RHCE: variants seen among roughly 807,000 people sequenced by gnomAD.
RHCE encodes blood group Rh(CE) polypeptide.
In RHCE, 22 loss-of-function variants were observed where a neutral mutation model predicts 43.8. The ratio of observed to expected loss-of-function variants is 0.50; its 90% CI spans 0.36 to 0.72. RHCE has a LOEUF of 0.72. Ranked by LOEUF, RHCE falls within the 30% of genes least tolerant of loss-of-function variation. RHCE has a pLI of 0.00. For missense variants in RHCE, 385 were observed against 525.4 expected (o/e 0.73, Z 2.61); for synonymous variants, 156 against 210.7 (o/e 0.74, Z 2.25).
chr1:25,400,417 G>A (rs538208744), intron 3 of RHCE, among the ~76,000 whole-genome samples: 22 of 151,376 alleles, frequency 1.5e-4, no homozygotes, highest in Non-Finnish European at 2.8e-4. Context: ...AGGACCTCAC[G>A]CTCTCCTGGG....
Position 25,369,989 on chromosome 1 carries a change from T to G in RHCE, c.1227+478A>C, listed in dbSNP as rs999236143. Among the ~76,000 whole-genome samples the G allele has an allele frequency of 2.0e-5, 3 of 151,550 alleles. 1 individual carries two copies. The highest frequency in any genetic ancestry group is 4.4e-5 in the Non-Finnish European group (3 of 68,016). ...CCTGGCCTCAGGTGATCGCCCCACC[T>G]CAGCCTCCCAAAGTGCTGGGATTAC... On this transcript the variant is annotated intron_variant, in intron 9 of 9. Transcript: ENST00000294413.
chr1:25,410,957 T>A lies in RHCE; in HGVS notation c.149-2088A>T, dbSNP rs557862502. Among the ~76,000 whole-genome samples, 3 of 152,056 alleles carry A rather than the reference T, an allele frequency of 2.0e-5. No homozygotes were observed. In the South Asian group the frequency reaches 6.2e-4, roughly 32 times the overall value. On this transcript the variant is annotated intron_variant, in intron 1 of 9. Transcript: ENST00000294413. Reference sequence around the variant, plus strand: ...TTACAAAAAAATTAGCTGGATGTGGTGGCGGGCACCTGTAATCCCAGCTAC... The same window carrying A: ...TTACAAAAAAATTAGCTGGATGTGGAGGCGGGCACCTGTAATCCCAGCTAC...
At chr1:25,387,876 A>C (rs1306750517) in intron 6 of RHCE, among the ~76,000 whole-genome samples, 3 of 151,754 alleles carry the variant, frequency 2.0e-5, no homozygotes, top group Non-Finnish European at 2.9e-5. Flanking sequence ...GCTGGAGTGC[A>C]GTGGCGCAAT....
Position 25,375,815 on chromosome 1 carries a change from T to A in RHCE, c.1074-387A>T, listed in dbSNP as rs1364534917. ...TCTTTTTTTTTTTTTTTTTTCTGTT[T>A]TTGTTTGTGAGATGGAGTCTCACTC... On this transcript the variant is annotated intron_variant, in intron 7 of 9. Transcript: ENST00000294413. Among the ~76,000 whole-genome samples the A allele has an allele frequency of 9.2e-3, 1,275 of 138,678 alleles. 51 individuals carry two copies. Among genetic ancestry groups the A allele is most frequent in the African/African-American group, 0.034 (1,183 of 34,346 alleles). The allele number at this position is 138,678 out of a possible 152,430, so 91.0% of individuals were successfully genotyped here.
intron 9 of RHCE, among the ~76,000 whole-genome samples, chr1:25,368,606 G>A (rs1172028273): frequency 6.7e-6 from 1 of 150,112 alleles, no homozygotes; most frequent in Non-Finnish European, 1.5e-5. Flanking sequence ...TCTAAACCAA[G>A]GTATAAAAGA....
At chr1:25,392,499 G>A (rs1362992218) in intron 3 of RHCE, among the ~76,000 whole-genome samples, 2 of 151,346 alleles carry the variant, frequency 1.3e-5, no homozygotes, top group Non-Finnish European at 2.9e-5. Context: ...GACCTCAGGC[G>A]ATCCACCCGC....
chr1:25,370,518 T>C lies in RHCE; in HGVS notation c.1176A>G (p.Ile392Met). The C allele has an allele frequency of 3.1e-6, 5 of 1,612,580 alleles. No homozygotes were observed. The highest frequency in any genetic ancestry group is 4.2e-6 in the Non-Finnish European group (5 of 1,179,274). ...LLTGLLLNLKIWKAPHVAKYF... is the reference protein window; with the variant it reads ...LLTGLLLNLKMWKAPHVAKYF... ...ATTTAGCCACATGAGGTGCTTTCCA[T>C]ATTTTGAGATTTAGGAGCAAACCTG... The change falls in exon 9 of 10, where the codon ATA becomes ATG. Residue 392 changes from isoleucine to methionine, a missense_variant. Physicochemically the swap from Ile to Met is conservative, Grantham distance 10 (BLOSUM62 1). This residue lies in a region of RHCE where 26 missense variants were observed against 37.1 expected (regional missense o/e 0.70). Coordinates refer to ENST00000294413, the MANE Select transcript of RHCE (RefSeq NM_020485.8).
At chr1:25,394,408 C>T (rs923985832) in intron 3 of RHCE, among the ~76,000 whole-genome samples, 23 of 152,054 alleles carry the variant, frequency 1.5e-4, no homozygotes, top group African/African-American at 4.6e-4. Context: ...CTTGTGCACT[C>T]GTTACCTTCA....
At chr1:25,422,135 C>T (rs900663191), upstream of RHCE, among the ~76,000 whole-genome samples, 3 of 152,194 alleles carry the variant, frequency 2.0e-5, no homozygotes, top group Non-Finnish European at 4.4e-5. Flanking sequence ...GTCATCTAGT[C>T]ACTTGGCATC....
intron 7 of RHCE, among the ~76,000 whole-genome samples, chr1:25,383,464 C>T (rs1026930022): frequency 2.0e-5 from 3 of 152,148 alleles, no homozygotes; most frequent in East Asian, 1.9e-4. Flanking sequence ...TCATAAAGAA[C>T]GGGGCTATGT....
At chr1:25,379,532 T>G (rs2124365497) in intron 7 of RHCE, among the ~76,000 whole-genome samples, 2 of 135,892 alleles carry the variant, frequency 1.5e-5, no homozygotes, top group Non-Finnish European at 1.6e-5. Flanking sequence ...AAAGATGGGA[T>G]TTTGCTCTAT....
At chr1:25,420,366 TG>T (rs1283604117) in intron 1 of RHCE, among the ~76,000 whole-genome samples, 1 of 152,036 alleles carries the variant, frequency 6.6e-6, no homozygotes, top group African/African-American at 2.4e-5. Flanking sequence ...GAAGACCATT[TG>T]GTAGAGGGAA....
chr1:25,411,563 C>T lies in RHCE; in HGVS notation c.149-2694G>A, dbSNP rs2982331. On this transcript the variant is annotated intron_variant, in intron 1 of 9. Transcript: ENST00000294413. ...TATAGGAGACCCCCAAGGACCTCCACGGGACCTGGGGATTTGGGGCGTGGG... is the reference window on the plus strand; with the variant it reads ...TATAGGAGACCCCCAAGGACCTCCATGGGACCTGGGGATTTGGGGCGTGGG... The T allele has an allele frequency of 2.2e-3, 2,603 of 1,164,454 alleles. 34 individuals are homozygous for T. The African/African-American group carries it at 0.035, about 16-fold the overall frequency. The allele number at this position is 1,164,454 out of a possible 1,614,324, so 72.1% of individuals were successfully genotyped here.
Position 25,408,016 on chromosome 1 carries a change from G to A in RHCE, c.335+667C>T, listed in dbSNP as rs1646967038. On this transcript the variant is annotated intron_variant, in intron 2 of 9. Coordinates refer to ENST00000294413, the MANE Select transcript of RHCE (RefSeq NM_020485.8). ...AGAGAATGTCTCTCAGGCTGGACGC[G>A]GTGGCTCATGCCTGTAATCCCAGCA... Among the ~76,000 whole-genome samples, 2 of 123,474 alleles carry A rather than the reference G, an allele frequency of 1.6e-5. 1 individual carries two copies. Among genetic ancestry groups the A allele is most frequent in the African/African-American group, 5.0e-5 (2 of 39,838 alleles). 81.0% of individuals were successfully genotyped at this position (123,474 alleles called of 152,430 possible).
At chr1:25,400,816 C>A (rs1471828821) in intron 3 of RHCE, among the ~76,000 whole-genome samples, 1 of 152,092 alleles carries the variant, frequency 6.6e-6, no homozygotes, top group African/African-American at 2.4e-5. Context: ...ATGGCACCAG[C>A]AGCTGCTGAG....
At chr1:25,378,212 G>T (rs780610710) in intron 7 of RHCE, among the ~76,000 whole-genome samples, 3 of 152,186 alleles carry the variant, frequency 2.0e-5, no homozygotes. Flanking sequence ...ATACACTACT[G>T]GTGATTAGAT....
At chr1:25,385,351 A>C in intron 7 of RHCE, 1 of 383,668 alleles carries the variant, frequency 2.6e-6, no homozygotes, top group South Asian at 2.1e-5. Flanking sequence ...CCGCATGCCC[A>C]GCTAGTACGC....
chr1:25,375,320 T>C (rs772625666), intron 8 of RHCE, 29 bp downstream of exon 8: 1 of 1,613,780 alleles, frequency 6.2e-7, no homozygotes, highest in Non-Finnish European at 8.5e-7. Flanking sequence ...GTCCTGGCAA[T>C]GGTGGAAGAA....
intron 1 of RHCE, among the ~76,000 whole-genome samples, chr1:25,414,783 T>C (rs140745123): frequency 1.2e-3 from 185 of 152,222 alleles, no homozygotes; most frequent in South Asian, 7.5e-3. Context: ...AACATGTGAA[T>C]GAGGTCATCT....
Sources: gnomAD v4.1 joint callset for allele counts (sites outside exome capture counted in the v4.1 genomes callset) on GRCh38, gnomAD v4.1.1 for gene constraint, gnomAD v4.1.1 regional missense constraint, MANE v1.5 for transcripts, NCBI Gene and HGNC (gene_info 2026-07-23, HGNC 2026-07-21) for gene names.